The following SLC35F2 variants were observed in gnomAD, a reference collection of about 807,000 sequenced individuals.
SLC35F2 encodes the protein queuine/queuosine transporter SLC35F2.
SLC35F2 carries 25 observed loss-of-function variants against 38.1 expected under a neutral mutation model. The ratio of observed to expected loss-of-function variants is 0.66; its 90% CI spans 0.48 to 0.92. The LOEUF is 0.92. Ranked by LOEUF, SLC35F2 falls within the 40% of genes least tolerant of loss-of-function variation. The pLI is 0.00. For synonymous variants in SLC35F2, 173 were observed against 181.7 expected (o/e 0.95, Z 0.38); for missense variants, 409 against 452.9 (o/e 0.90, Z 0.88).
chr11:107,857,704 A>T (rs924859), intron 1 of SLC35F2, among the ~76,000 whole-genome samples: 66,568 of 151,934 alleles, frequency 0.44, 14,664 homozygotes, highest in Admixed American at 0.54. Context: ...ATGAAAAAAA[A>T]ATCAAATATC....
chr11:107,842,106 A>T (rs112511086), intron 1 of SLC35F2, among the ~76,000 whole-genome samples: 33 of 150,954 alleles, frequency 2.2e-4, no homozygotes, highest in African/African-American at 7.7e-4. Context: ...AATAAAAATA[A>T]AAATACAAAA....
intron 1 of SLC35F2, among the ~76,000 whole-genome samples, chr11:107,842,248 T>A: frequency 5.2e-5 from 1 of 19,176 alleles, no homozygotes; most frequent in Non-Finnish European, 9.0e-5. Context: ...AGAGTGAGAC[T>A]CCGTCTCACA....
chr11:107,804,581 C>A, intron 6 of SLC35F2, 137 bp downstream of exon 6: 1 of 604,288 alleles, frequency 1.7e-6, no homozygotes. Flanking sequence ...CAATGTAAAC[C>A]ACTATAGTTG....
chr11:107,816,761 TTG>T (rs1044997461), intron 1 of SLC35F2, among the ~76,000 whole-genome samples: 6 of 152,194 alleles, frequency 3.9e-5, no homozygotes, highest in African/African-American at 1.4e-4. Context: ...TAGCTCCATT[TTG>T]GACATGCTGG....
At chr11:107,828,054 G>T (rs1369349533) in intron 1 of SLC35F2, among the ~76,000 whole-genome samples, 1 of 152,122 alleles carries the variant, frequency 6.6e-6, no homozygotes, top group Non-Finnish European at 1.5e-5. Context: ...GAAAACTAAG[G>T]ATTGAATCTA....
chr11:107,805,263 A>G, intron 5 of SLC35F2, 96 bp downstream of exon 5: 4 of 1,430,874 alleles, frequency 2.8e-6, no homozygotes, highest in Non-Finnish European at 3.7e-6. Context: ...CTAATTCCAA[A>G]TGTGAATTTG....
intron 1 of SLC35F2, among the ~76,000 whole-genome samples, chr11:107,832,314 T>C (rs568891184): frequency 1.1e-4 from 17 of 152,184 alleles, no homozygotes; most frequent in Non-Finnish European, 2.2e-4. Context: ...ATTCTGAATC[T>C]ACGAGAACAA....
chr11:107,801,068 C>A (rs1321453569), intron 7 of SLC35F2, among the ~76,000 whole-genome samples: 1 of 152,052 alleles, frequency 6.6e-6, no homozygotes, highest in Non-Finnish European at 1.5e-5. Flanking sequence ...CCACACCCTG[C>A]TAATTTTTGT....
intron 1 of SLC35F2, among the ~76,000 whole-genome samples, chr11:107,828,968 A>T (rs1305633698): frequency 1.3e-5 from 2 of 150,244 alleles, no homozygotes; most frequent in Non-Finnish European, 3.0e-5. Flanking sequence ...ATTAGCCAGG[A>T]GTGGTGGTGC....
intron 7 of SLC35F2, among the ~76,000 whole-genome samples, chr11:107,795,551 A>G (rs910381703): frequency 6.6e-6 from 1 of 152,268 alleles, no homozygotes; most frequent in African/African-American, 2.4e-5. Flanking sequence ...ATGGGAGAAA[A>G]TATCTGCAAA....
rs772795622 is a variant in SLC35F2 at position 107,803,027 on chromosome 11, CA to C, written c.912del (p.Phe304LeufsTer57). 3 of 1,612,360 alleles carry C rather than the reference CA, an allele frequency of 1.9e-6. No homozygotes were observed. Among genetic ancestry groups the C allele is most frequent in the Non-Finnish European group, 2.5e-6 (3 of 1,179,586 alleles). On this transcript the variant is annotated frameshift_variant, in exon 7 of 8. Transcript: ENST00000525815. LOFTEE classifies it high-confidence loss of function. ...GILTADLYSL[F>X]VGLFLFGYKF... ...TTATAGCCAAACAGAAAGAGTCCAACAAAAAGGCTGTAGAGGTCCGCTGTCA... is the reference window on the plus strand; with the variant it reads ...TTATAGCCAAACAGAAAGAGTCCAACAAAAGGCTGTAGAGGTCCGCTGTCA...
At chr11:107,821,627 C>T in intron 1 of SLC35F2, 5 of 985,158 alleles carry the variant, frequency 5.1e-6, no homozygotes, top group Non-Finnish European at 6.0e-6. Flanking sequence ...AACAGAGGAA[C>T]CCTCTATACC....
intron 1 of SLC35F2, among the ~76,000 whole-genome samples, chr11:107,852,647 A>G (rs575539897): frequency 7.8e-4 from 119 of 152,170 alleles, no homozygotes; most frequent in Non-Finnish European, 1.4e-3. Context: ...CGAGATGAGC[A>G]GGTCACCTGA....
rs542552528 is a variant in SLC35F2 at position 107,791,322 on chromosome 11, T to G, written c.*1293A>C. ...TACCAGTTATAAAAACAAAGCTTTTTCTTTGTTGTGATACTGTGCACTAAG... is the reference window on the plus strand; with the variant it reads ...TACCAGTTATAAAAACAAAGCTTTTGCTTTGTTGTGATACTGTGCACTAAG... On this transcript the variant is annotated 3_prime_UTR_variant, in exon 8 of 8. Transcript: ENST00000525815. 1 of 152,362 alleles carries G rather than the reference T, an allele frequency of 6.6e-6. No homozygotes were observed. Among genetic ancestry groups the G allele is most frequent in the African/African-American group, 2.4e-5 (1 of 41,592 alleles). 9.4% of individuals were successfully genotyped at this position (152,362 alleles called of 1,614,324 possible).
At position 107,858,676 on chromosome 11, in the gene SLC35F2, T is replaced by C. The variant is rs1054758315; in HGVS notation, c.92A>G (p.Lys31Arg). The C allele has an allele frequency of 7.7e-7, 1 of 1,302,120 alleles. No individual in the cohort carries two copies. The highest frequency in any genetic ancestry group is 9.8e-7 in the Non-Finnish European group (1 of 1,017,212). 80.7% of individuals were successfully genotyped at this position (1,302,120 alleles called of 1,614,324 possible). Reference protein sequence around the residue: ...AEFSSLLRRIKGKLFTWNILK... With the variant: ...AEFSSLLRRIRGKLFTWNILK... ...CACTCACCAGGTGAAGAGTTTGCCT[T>C]TTATCCTGCGCAGCAGGCTGGAGAA... is the stretch of plus-strand genomic sequence containing the variant. The change falls in exon 1 of 8, where the codon AAA becomes AGA. Residue 31 changes from lysine to arginine, a missense_variant. Lys to Arg is a conservative substitution (Grantham distance 26). Transcript: ENST00000525815.
chr11:107,809,820 T>G (rs1364745521), intron 3 of SLC35F2: 2 of 984,872 alleles, frequency 2.0e-6, no homozygotes, highest in Non-Finnish European at 2.4e-6. Context: ...AAAATGAAAA[T>G]TGAATTAACC....
intron 2 of SLC35F2, among the ~76,000 whole-genome samples, chr11:107,812,226 C>T (rs977025977): frequency 3.9e-5 from 6 of 152,104 alleles, no homozygotes; most frequent in East Asian, 1.9e-4. Context: ...TCTAATGTGG[C>T]CCCCTCCTAG....
chr11:107,845,547 G>T (rs550314969), intron 1 of SLC35F2, among the ~76,000 whole-genome samples: 1 of 151,860 alleles, frequency 6.6e-6, no homozygotes, highest in East Asian at 2.0e-4. Flanking sequence ...AAAAAGAAAT[G>T]ACTAGAAAGA....
At chr11:107,799,961 T>C (rs970563230) in intron 7 of SLC35F2, among the ~76,000 whole-genome samples, 2 of 151,768 alleles carry the variant, frequency 1.3e-5, no homozygotes, top group Non-Finnish European at 2.9e-5. Context: ...TGATCTCGGC[T>C]TATTGCAAGC....
Sources: allele counts gnomAD v4.1 joint callset (sites outside exome capture counted in the v4.1 genomes callset), GRCh38; gene constraint gnomAD v4.1.1; transcripts MANE v1.5; gene names NCBI Gene and HGNC (gene_info 2026-07-23, HGNC 2026-07-21).